Variants in TMCC1 observed in about 807,000 individuals in gnomAD.
TMCC1 encodes the protein transmembrane and coiled-coil domains protein 1.
TMCC1 carries 15 observed loss-of-function variants against 52.4 expected under a neutral mutation model. The ratio of observed to expected loss-of-function variants is 0.29; its 90% CI spans 0.19 to 0.44. The LOEUF is 0.44. Ranked by LOEUF, TMCC1 falls within the 20% of genes least tolerant of loss-of-function variation. The pLI, the probability that TMCC1 is intolerant of heterozygous loss-of-function variation, is 1.00. For missense variants in TMCC1, 503 were observed against 806.0 expected, an observed-to-expected ratio of 0.62 and a Z score of 4.55; for synonymous variants, 279 against 301.9, an observed-to-expected ratio of 0.92 and a Z score of 0.79.
At chr3:129,842,176 A>G (rs2059447381) in intron 2 of TMCC1, among the ~76,000 whole-genome samples, 1 of 152,212 alleles carries the variant, frequency 6.6e-6, no homozygotes, top group South Asian at 2.1e-4. Flanking sequence ...AAACCAAGTA[A>G]GCAGATTGGC....
intron 2 of TMCC1, chr3:129,847,440 T>C (rs984764522): frequency 4.6e-5 from 7 of 152,252 alleles, no homozygotes; most frequent in African/African-American, 1.7e-4. Flanking sequence ...AATGTACTCT[T>C]CTTAAGTTTG....
At chr3:129,762,010 T>C (rs1247784566) in intron 4 of TMCC1, among the ~76,000 whole-genome samples, 2 of 71,528 alleles carry the variant, frequency 2.8e-5, no homozygotes, top group Non-Finnish European at 3.2e-5. Context: ...AAAAAAAAAG[T>C]ACTAGTAGAA....
intron 4 of TMCC1, among the ~76,000 whole-genome samples, chr3:129,673,257 G>T (rs1460565977): frequency 6.6e-6 from 1 of 152,092 alleles, no homozygotes; most frequent in African/African-American, 2.4e-5. Flanking sequence ...TTCCAGATAA[G>T]CAAGGTGCCA....
intron 4 of TMCC1, among the ~76,000 whole-genome samples, chr3:129,754,813 C>T (rs970557286): frequency 3.9e-5 from 6 of 152,154 alleles, no homozygotes; most frequent in Non-Finnish European, 8.8e-5. Context: ...TGCAGTGGCT[C>T]ACACCTGTAA....
intron 4 of TMCC1, among the ~76,000 whole-genome samples, chr3:129,826,114 C>T (rs1342224913): frequency 6.6e-6 from 1 of 152,090 alleles, no homozygotes; most frequent in Non-Finnish European, 1.5e-5. Flanking sequence ...CTGGTAAAGG[C>T]TGAAGATTAA....
intron 4 of TMCC1, among the ~76,000 whole-genome samples, chr3:129,683,440 C>G (rs547515583): frequency 6.6e-6 from 1 of 152,322 alleles, no homozygotes; most frequent in East Asian, 1.9e-4. Flanking sequence ...GAGGCTAACT[C>G]AAGCCTTTGA....
At chr3:129,726,650 G>A (rs756053935) in intron 4 of TMCC1, among the ~76,000 whole-genome samples, 20 of 151,506 alleles carry the variant, frequency 1.3e-4, no homozygotes, top group Non-Finnish European at 2.5e-4. Flanking sequence ...AAGGCGAGGT[G>A]GGAGGATCAC....
chr3:129,718,082 A>G (rs924587510), intron 4 of TMCC1, among the ~76,000 whole-genome samples: 4 of 152,234 alleles, frequency 2.6e-5, no homozygotes, highest in Admixed American at 6.5e-5. Flanking sequence ...TAGGAATACC[A>G]AAAAATTAAG....
At chr3:129,818,102 G>A (rs2058196426) in intron 4 of TMCC1, among the ~76,000 whole-genome samples, 1 of 151,836 alleles carries the variant, frequency 6.6e-6, no homozygotes, top group African/African-American at 2.4e-5. Context: ...GAGCCACCGT[G>A]CCAGGCCTTT....
intron 2 of TMCC1, among the ~76,000 whole-genome samples, chr3:129,836,143 T>C (rs2059149968): frequency 6.6e-6 from 1 of 152,210 alleles, no homozygotes; most frequent in Non-Finnish European, 1.5e-5. Flanking sequence ...AGGTATAATT[T>C]ATCAGGAAGA....
At chr3:129,826,252 A>G (rs1284747320) in intron 4 of TMCC1, among the ~76,000 whole-genome samples, 1 of 151,766 alleles carries the variant, frequency 6.6e-6, no homozygotes, top group African/African-American at 2.4e-5. Context: ...CTGTAACCTC[A>G]GCACTTTGGG....
At chr3:129,860,446 A>G (rs1230705842) in intron 2 of TMCC1, among the ~76,000 whole-genome samples, 2 of 152,172 alleles carry the variant, frequency 1.3e-5, no homozygotes, top group East Asian at 3.8e-4. Flanking sequence ...GTAATAGTAC[A>G]TACATTACTA....
At chr3:129,798,951 T>C (rs1183048545) in intron 4 of TMCC1, among the ~76,000 whole-genome samples, 1 of 152,170 alleles carries the variant, frequency 6.6e-6, no homozygotes, top group East Asian at 1.9e-4. Context: ...TAAATAACAA[T>C]ACAGATAGCA....
chr3:129,814,740 G>A (rs2058012366), intron 4 of TMCC1, among the ~76,000 whole-genome samples: 1 of 152,134 alleles, frequency 6.6e-6, no homozygotes, highest in African/African-American at 2.4e-5. Context: ...ACAAAAAAGA[G>A]TAGAAGTAGC....
intron 4 of TMCC1, among the ~76,000 whole-genome samples, chr3:129,771,601 C>T (rs1030083231): frequency 6.6e-6 from 1 of 151,170 alleles, no homozygotes. Flanking sequence ...ATGGTGAGAC[C>T]CTGTCTCTAC....
At chr3:129,662,973 C>G (rs1369861335) in intron 5 of TMCC1, among the ~76,000 whole-genome samples, 1 of 152,088 alleles carries the variant, frequency 6.6e-6, no homozygotes, top group Non-Finnish European at 1.5e-5. Context: ...AATTCATCCC[C>G]CACTGGAAGC....
At chr3:129,891,776 G>T (rs535473514) in intron 1 of TMCC1, among the ~76,000 whole-genome samples, 1 of 152,240 alleles carries the variant, frequency 6.6e-6, no homozygotes, top group African/African-American at 2.4e-5. Flanking sequence ...ATGAATTAAT[G>T]AATGATCCAT....
At chr3:129,778,708 G>A (rs987222894) in intron 4 of TMCC1, among the ~76,000 whole-genome samples, 1 of 149,794 alleles carries the variant, frequency 6.7e-6, no homozygotes, top group African/African-American at 2.4e-5. Context: ...CTGTTCTCAT[G>A]ATAGTGAGTT....
intron 4 of TMCC1, chr3:129,688,538 C>T: frequency 1.0e-6 from 1 of 985,494 alleles, no homozygotes; most frequent in Non-Finnish European, 1.2e-6. Flanking sequence ...ACATTAATAC[C>T]CTCGCATAGC....
Sources: allele counts gnomAD v4.1 joint callset (sites outside exome capture counted in the v4.1 genomes callset), GRCh38; gene constraint gnomAD v4.1.1; transcripts MANE v1.5; gene names NCBI Gene and HGNC (gene_info 2026-07-23, HGNC 2026-07-21).